Variants in SPI1 observed in about 807,000 individuals in gnomAD.
SPI1 encodes the protein transcription factor PU.1.
SPI1 carries 3 observed loss-of-function variants against 30.7 expected under a neutral mutation model. The observed-to-expected ratio is 0.10, with a 90% confidence interval of 0.04 to 0.25. SPI1 has a LOEUF of 0.25. SPI1 is among the 10% of genes least tolerant of loss of function. SPI1 has a pLI of 1.00. For synonymous variants in SPI1, 169 were observed against 157.1 expected (o/e 1.08, Z -0.56); for missense variants, 261 against 371.5 (o/e 0.70, Z 2.45).
At chr11:47,358,291 TATCA>T (rs1297204623) in intron 4 of SPI1, 3 of 247,624 alleles carry the variant, frequency 1.2e-5, no homozygotes, top group African/African-American at 7.2e-5. Flanking sequence ...CACTCACACA[TATCA>T]CTCACACATG....
chr11:47,357,566 C>T (rs1219966843), intron 4 of SPI1, among the ~76,000 whole-genome samples: 1 of 137,360 alleles, frequency 7.3e-6, no homozygotes, highest in Non-Finnish European at 1.6e-5. Context: ...TCACACATCA[C>T]ACCCATTCTC....
At chr11:47,361,229 C>G (rs1282006794) in intron 2 of SPI1, among the ~76,000 whole-genome samples, 2 of 152,324 alleles carry the variant, frequency 1.3e-5, no homozygotes, top group Non-Finnish European at 2.9e-5. Flanking sequence ...ACTCACACAG[C>G]CTTGTCACAT....
chr11:47,373,793 C>T (rs994217687), intron 2 of SPI1, among the ~76,000 whole-genome samples: 1 of 152,140 alleles, frequency 6.6e-6, no homozygotes, highest in Non-Finnish European at 1.5e-5. Flanking sequence ...GGTGCCCAGG[C>T]ATCCAATCAG....
chr11:47,355,730 G>A (rs2095907268), intron 4 of SPI1, among the ~76,000 whole-genome samples, 184 bp from the exon 5 acceptor site: 1 of 149,532 alleles, frequency 6.7e-6, no homozygotes, highest in African/African-American at 2.5e-5. Context: ...ACATGCTTGC[G>A]CACACACAGG....
chr11:47,358,439 GACAC>G (rs755017576), intron 4 of SPI1: 27 of 634,044 alleles, frequency 4.3e-5, no homozygotes, highest in Non-Finnish European at 6.1e-5. Context: ...TGTGTTGACA[GACAC>G]ACAAACATGG....
intron 4 of SPI1, among the ~76,000 whole-genome samples, chr11:47,356,688 C>A (rs890979115): frequency 1.1e-4 from 17 of 151,854 alleles, no homozygotes; most frequent in African/African-American, 3.9e-4. Context: ...TTACATTGCT[C>A]ACCCTTGCAC....
At chr11:47,370,783 T>TA (rs2095934679) in intron 2 of SPI1, among the ~76,000 whole-genome samples, 1 of 152,080 alleles carries the variant, frequency 6.6e-6, no homozygotes, top group Non-Finnish European at 1.5e-5. Context: ...CAGCTGTGAG[T>TA]AATAGCCACA....
chr11:47,355,555 G>A lies in SPI1; in HGVS notation c.494-9C>T. ...GATCTTCTTCTTGCTGCCTGCGGGG[G>A]GGAGGGCCCGGTGGGAGGGGGCCCG... On this transcript the variant is annotated splice_polypyrimidine_tract_variant and intron_variant, in intron 4 of 4. Transcript: ENST00000378538. 1.3e-6 allele frequency: 2 copies of A among 1,560,622 alleles called. No individual in the cohort carries two copies. The highest frequency in any genetic ancestry group is 2.4e-5 in the East Asian group (1 of 41,906).
intron 2 of SPI1, among the ~76,000 whole-genome samples, chr11:47,369,072 C>G (rs2095932199): frequency 6.6e-6 from 1 of 152,014 alleles, no homozygotes; most frequent in Non-Finnish European, 1.5e-5. Context: ...ATGGTGAAAC[C>G]CTGTCTCTAC....
At position 47,355,675 on chromosome 11, in the gene SPI1, CG is replaced by C. The variant is rs1216229397; in HGVS notation, c.494-130del. ...GGGCAGGGGAACGGCTGCCCCAGCC[CG>C]CGCCGGGCGTGCATACACAACGCAC... On this transcript the variant is annotated intron_variant, in intron 4 of 4. Coordinates refer to ENST00000378538, the MANE Select transcript of SPI1 (RefSeq NM_003120.3). 11 of 734,694 alleles carry C rather than the reference CG, an allele frequency of 1.5e-5. No homozygotes were observed. The Admixed American group carries it at 3.4e-4, about 22-fold the overall frequency. 45.5% of individuals were successfully genotyped at this position (734,694 alleles called of 1,614,324 possible). A position where few individuals can be genotyped will look rare whatever the true frequency, so the allele number is the denominator to read the frequency against.
Position 47,359,890 on chromosome 11 carries a change from G to C in SPI1, c.293C>G (p.Thr98Ser). The change falls in exon 3 of 5, where the codon ACC (threonine) becomes AGC (serine). Residue 98 changes from threonine (T) to serine (S), a missense_variant. This residue lies in a region of SPI1 where 106 missense variants were observed against 102.0 expected (regional missense o/e 1.04). Transcript: ENST00000378538. This position sits in a 1 kb window ranked among gnomAD's most constrained non-coding sequence, Gnocchi z 5.1. ...MELEQMHVLD[T>S]PMVPPHPSLG... ...ACTGGGATGGGGTGGCACCATGGGG[G>C]TATCGAGGACGTGCATCTGCTCCAG... 2.5e-6 allele frequency: 4 copies of C among 1,608,930 alleles called. No individual in the cohort carries two copies. The highest frequency in any genetic ancestry group is 2.5e-6 in the Non-Finnish European group (3 of 1,179,862).
Position 47,375,834 on chromosome 11 carries a change from G to A in SPI1, c.46-105C>T. 3.3e-6 allele frequency: 3 copies of A among 904,784 alleles called. No individual in the cohort carries two copies. The South Asian group carries it at 4.0e-5, about 12-fold the overall frequency. The allele number at this position is 904,784 out of a possible 1,614,324, so 56.0% of individuals were successfully genotyped here. The stretch of plus-strand genomic sequence containing the variant: ...CCCCATCACCTTCCCTGGCTCAGTG[G>A]CTGCGTTGGACCTACAGCCCTCCCT... On this transcript the variant is annotated intron_variant, in intron 1 of 4. Transcript: ENST00000378538. The surrounding 1 kb of genome is among the most constrained non-coding windows in gnomAD (Gnocchi z 4.2).
chr11:47,363,847 A>G (rs1483277117), intron 2 of SPI1, among the ~76,000 whole-genome samples: 1 of 150,344 alleles, frequency 6.7e-6, no homozygotes, highest in East Asian at 2.1e-4. Context: ...CTGTAATCCC[A>G]GCTACTCAGG....
chr11:47,365,510 T>C (rs1015245764), intron 2 of SPI1, among the ~76,000 whole-genome samples: 3 of 152,154 alleles, frequency 2.0e-5, no homozygotes, highest in African/African-American at 7.2e-5. Context: ...TAATCTATCT[T>C]TTGCATAGGA....
chr11:47,372,462 C>T (rs2095937171), intron 2 of SPI1, among the ~76,000 whole-genome samples: 1 of 152,148 alleles, frequency 6.6e-6, no homozygotes, highest in African/African-American at 2.4e-5. Flanking sequence ...TTGTCTGGTG[C>T]TCATCATGGA....
At position 47,367,748 on chromosome 11, in the gene SPI1, ATTTTTTTTTT is replaced by A. The variant is rs1173025260; in HGVS notation, c.143-7718_143-7709del. On this transcript the variant is annotated intron_variant, in intron 2 of 4. Coordinates refer to ENST00000378538, the MANE Select transcript of SPI1 (RefSeq NM_003120.3). ...ACTATGGGAAATAGATGATGGTTAA[ATTTTTTTTTT>A]TTTTTTTTTTTTTTTTTTTGAGACG... Among the ~76,000 whole-genome samples, 7 of 64,786 alleles carry A rather than the reference ATTTTTTTTTT, an allele frequency of 1.1e-4. No individual in the cohort carries two copies. The South Asian group carries it at 2.6e-3, about 24-fold the overall frequency. 42.5% of individuals were successfully genotyped at this position (64,786 alleles called of 152,430 possible). A position where few individuals can be genotyped will look rare whatever the true frequency, so the allele number is the denominator to read the frequency against.
chr11:47,359,032 A>G lies in SPI1; in HGVS notation c.331-26T>C. The G allele has an allele frequency of 1.3e-6, 2 of 1,515,972 alleles. No homozygotes were observed. Among genetic ancestry groups the G allele is most frequent in the Non-Finnish European group, 8.8e-7 (1 of 1,135,066 alleles). The allele number at this position is 1,515,972 out of a possible 1,614,324, so 93.9% of individuals were successfully genotyped here. On this transcript the variant is annotated intron_variant, in intron 3 of 4. Transcript: ENST00000378538. This position sits in a 1 kb window ranked among gnomAD's most constrained non-coding sequence, Gnocchi z 5.1. ...CTGGACGGTGGGGGAAGGAGATCAGAGTCAGGAAGGGCCAGCTTACAGCTC... is the reference window on the plus strand; with the variant it reads ...CTGGACGGTGGGGGAAGGAGATCAGGGTCAGGAAGGGCCAGCTTACAGCTC...
intron 2 of SPI1, among the ~76,000 whole-genome samples, chr11:47,366,241 C>T (rs756173939): frequency 3.3e-5 from 5 of 152,188 alleles, no homozygotes; most frequent in Non-Finnish European, 7.3e-5. Context: ...GGCCAAAGTC[C>T]TACCCACACA....
chr11:47,373,911 G>A (rs1167274735), intron 2 of SPI1, among the ~76,000 whole-genome samples: 1 of 152,178 alleles, frequency 6.6e-6, no homozygotes, highest in East Asian at 1.9e-4. Flanking sequence ...CCAGCCCCAG[G>A]CTCACTGGTT....
Sources: allele counts gnomAD v4.1 joint callset (sites outside exome capture counted in the v4.1 genomes callset), GRCh38; gene constraint gnomAD v4.1.1; regional missense constraint gnomAD v4.1.1; non-coding constraint Gnocchi (gnomAD v3.1); transcripts MANE v1.5; gene names NCBI Gene and HGNC (gene_info 2026-07-23, HGNC 2026-07-21).